Variants in ITGAD observed in about 807,000 individuals in gnomAD.
ITGAD encodes integrin subunit alpha D.
Under a neutral mutation model 139.0 loss-of-function variants are expected in ITGAD, and 105 were observed. The observed-to-expected ratio is 0.76, with a 90% CI of 0.65 to 0.89. ITGAD has a LOEUF of 0.89. ITGAD is among the 40% of genes least tolerant of loss of function. The pLI is 0.00. For synonymous variants in ITGAD, 569 were observed against 598.3 expected (o/e 0.95, Z 0.71); for missense variants, 1,384 against 1,487.3 (o/e 0.93, Z 1.14).
At chr16:31,408,519 A>G (rs374095958) in intron 10 of ITGAD, 21 bp downstream of exon 10, 246 of 1,607,388 alleles carry the variant, frequency 1.5e-4, no homozygotes, top group Non-Finnish European at 7.7e-6. Flanking sequence ...CCTGCCCTCA[A>G]TCCATAGCTC....
intron 16 of ITGAD, among the ~76,000 whole-genome samples, chr16:31,413,677 C>G (rs920326338): frequency 1.3e-5 from 2 of 152,244 alleles, no homozygotes; most frequent in Non-Finnish European, 2.9e-5. Flanking sequence ...CTCCAGTGCC[C>G]TCTCTGACTT....
In ITGAD at chr16:31,411,465, T is replaced by A. The variant is rs2081711468; in HGVS notation, c.1655T>A (p.Val552Asp). 6.2e-7 allele frequency: 1 copy of A among 1,614,104 alleles called. No individual in the cohort carries two copies. The highest frequency in any genetic ancestry group is 8.5e-7 in the Non-Finnish European group (1 of 1,179,994). Residue 552 changes from valine to aspartate, a missense_variant, in exon 14 of 30, where the codon GTC becomes GAC. Coordinates refer to ENST00000389202, the MANE Select transcript of ITGAD (RefSeq NM_005353.3). ...GGAGAGCAGGAGAACCGGGGTGCTGTCTACCTGTTTCACGGAGCCTCAGAA... is the reference window on the plus strand; with the variant it reads ...GGAGAGCAGGAGAACCGGGGTGCTGACTACCTGTTTCACGGAGCCTCAGAA... ...APGEQENRGA[V>D]YLFHGASESG...
chr16:31,401,076 T>C (rs2081392518), intron 5 of ITGAD, among the ~76,000 whole-genome samples: 1 of 151,962 alleles, frequency 6.6e-6, no homozygotes, highest in African/African-American at 2.4e-5. Flanking sequence ...CTGGGCAACA[T>C]GGCGAAACTC....
chr16:31,422,297 TG>T (rs2082023742), intron 23 of ITGAD, among the ~76,000 whole-genome samples: 1 of 152,174 alleles, frequency 6.6e-6, no homozygotes, highest in Non-Finnish European at 1.5e-5. Context: ...CAGGGAGTTA[TG>T]GCTTAACTTG....
intron 9 of ITGAD, 53 bp downstream of exon 9, chr16:31,407,969 C>T (rs1242945329): frequency 1.0e-5 from 15 of 1,504,398 alleles, no homozygotes; most frequent in Non-Finnish European, 1.3e-5. Flanking sequence ...ACCCAATTGT[C>T]CCGTGCAGGC....
At chr16:31,399,995 T>G (rs577602516) in intron 5 of ITGAD, among the ~76,000 whole-genome samples, 1 of 152,342 alleles carries the variant, frequency 6.6e-6, no homozygotes, top group Admixed American at 6.5e-5. Context: ...TTCAAAAGGA[T>G]AAGTCCAGGC....
At chr16:31,423,688 C>T in intron 26 of ITGAD, 40 bp downstream of exon 26, 4 of 1,582,436 alleles carry the variant, frequency 2.5e-6, no homozygotes, top group Non-Finnish European at 3.5e-6. Flanking sequence ...AGATCAGCCC[C>T]CACCGGGGAT....
At chr16:31,394,417 G>A (rs2081216890) in intron 2 of ITGAD, 76 bp downstream of exon 2, 1 of 1,111,558 alleles carries the variant, frequency 9.0e-7, no homozygotes, top group South Asian at 1.3e-5. Flanking sequence ...GGTTACCCCA[G>A]GGAGGTGTCC....
chr16:31,408,578 C>G, intron 10 of ITGAD, 80 bp downstream of exon 10: 1 of 1,292,536 alleles, frequency 7.7e-7, no homozygotes, highest in South Asian at 1.2e-5. Context: ...GGGAGCCAGA[C>G]ATAAACAAGA....
chr16:31,411,483 C>T lies in ITGAD; in HGVS notation c.1673C>T (p.Ala558Val), dbSNP rs565500189. ...NRGAVYLFHG[A>V]SESGISPSHS... is the part of the protein sequence containing the mutation. ...GGTGCTGTCTACCTGTTTCACGGAGCCTCAGAATCCGGCATCAGCCCCTCC... is the reference window on the plus strand; with the variant it reads ...GGTGCTGTCTACCTGTTTCACGGAGTCTCAGAATCCGGCATCAGCCCCTCC... The change falls in exon 14 of 30, where the codon GCC becomes GTC. Residue 558 changes from alanine to valine, a missense_variant. Physicochemically the swap from Ala to Val is moderately conservative, Grantham distance 64 (BLOSUM62 0). Transcript: ENST00000389202. 1.3e-3 allele frequency: 2,107 copies of T among 1,613,878 alleles called. 3 individuals are homozygous for T. Among genetic ancestry groups the T allele is most frequent in the Non-Finnish European group, 1.7e-3 (1,959 of 1,179,784 alleles).
intron 17 of ITGAD, 109 bp from the exon 18 acceptor site, chr16:31,414,751 C>T (rs976913472): frequency 1.5e-5 from 23 of 1,549,814 alleles, no homozygotes; most frequent in South Asian, 4.8e-5. Context: ...CCTGGCTCCA[C>T]GGCTTGGAGG....
At chr16:31,425,410 G>T (rs2142867206) in intron 29 of ITGAD, among the ~76,000 whole-genome samples, 1 of 152,266 alleles carries the variant, frequency 6.6e-6, no homozygotes, top group South Asian at 2.1e-4. Flanking sequence ...TTATATCACA[G>T]AGTGGCTGAA....
intron 23 of ITGAD, 36 bp downstream of exon 23, chr16:31,418,600 C>A (rs759981862): frequency 1.3e-6 from 2 of 1,495,412 alleles, no homozygotes; most frequent in South Asian, 2.3e-5. Flanking sequence ...GGACCTCTGG[C>A]CTTCCTCTAT....
In ITGAD at chr16:31,424,552, C is replaced by T. The variant is rs111249239; in HGVS notation, c.3347C>T (p.Ala1116Val). ...TCTGTGGGGGCTCTGCTACTGCTGG[C>T]GCTCATCACAGCCACACTGTACAAG... Reference protein sequence around the residue: ...GSSVGALLLLALITATLYKLG... With the variant: ...GSSVGALLLLVLITATLYKLG... Residue 1116 changes from alanine to valine, a missense_variant, in exon 29 of 30, where the codon GCG (alanine) becomes GTG (valine). By Grantham distance (64) the Ala-to-Val change is moderately conservative (BLOSUM62 0). Transcript: ENST00000389202. 66 of 1,611,608 alleles carry T rather than the reference C, an allele frequency of 4.1e-5. No homozygotes were observed. The African/African-American group carries it at 6.2e-4, about 15-fold the overall frequency.
Position 31,410,822 on chromosome 16 carries a change from A to T in ITGAD, c.1300A>T (p.Ile434Phe). The change falls in exon 12 of 30, where the codon ATC (isoleucine) becomes TTC (phenylalanine). Residue 434 changes from isoleucine to phenylalanine, a missense_variant. Coordinates refer to ENST00000389202, the MANE Select transcript of ITGAD (RefSeq NM_005353.3). ...CTACCAGCATACCGGGAAGGCTGTC[A>T]TCTTCACCCAGGTGTCCAGGCAATG... The part of the protein sequence containing the change: ...PRYQHTGKAV[I>F]FTQVSRQWRK... The T allele has an allele frequency of 4.3e-6, 7 of 1,613,738 alleles. No individual in the cohort carries two copies. The South Asian group carries it at 7.7e-5, about 18-fold the overall frequency.
chr16:31,403,431 A>T lies in ITGAD; in HGVS notation c.559-69A>T. 1 of 1,583,266 alleles carries T rather than the reference A, an allele frequency of 6.3e-7. No homozygotes were observed. Among genetic ancestry groups the T allele is most frequent in the African/African-American group, 1.4e-5 (1 of 74,026 alleles). ...CAGGAGTTTGAGAGACCCTGTCTCT[A>T]CAAAAAATTAAAATAAAAACAATAG... On this transcript the variant is annotated intron_variant, in intron 6 of 29. Transcript: ENST00000389202. This position sits in a 1 kb window ranked among gnomAD's most constrained non-coding sequence, Gnocchi z 4.4.
In ITGAD at chr16:31,413,110, G is replaced by T. The variant is rs2081777417; in HGVS notation, c.1860G>T (p.Val620=). The change falls in exon 16 of 30, where the codon GTG becomes GTT. Residue 620 remains valine, a synonymous_variant. Coordinates refer to ENST00000389202, the MANE Select transcript of ITGAD (RefSeq NM_005353.3). Reference sequence around the variant, plus strand: ...TCAGGAGTCTGCCGGTGCTGAAAGTGGGGGTGGCCATGAGATTCAGCCCTG... The same window carrying T: ...TCAGGAGTCTGCCGGTGCTGAAAGTTGGGGTGGCCATGAGATTCAGCCCTG... ...LLLRSLPVLK[V]GVAMRFSPVE... 2 of 1,614,018 alleles carry T rather than the reference G, an allele frequency of 1.2e-6. No homozygotes were observed. Among genetic ancestry groups the T allele is most frequent in the Admixed American group, 3.3e-5 (2 of 59,994 alleles).
chr16:31,408,251 C>G (rs193077842), intron 9 of ITGAD, among the ~76,000 whole-genome samples, 174 bp from the exon 10 acceptor site: 55 of 152,274 alleles, frequency 3.6e-4, no homozygotes, highest in African/African-American at 1.2e-3. Context: ...GGATTACAGG[C>G]GTGAGCCACT....
At chr16:31,423,029 A>T in intron 23 of ITGAD, 85 bp from the exon 24 acceptor site, 1 of 1,043,024 alleles carries the variant, frequency 9.6e-7, no homozygotes, top group Non-Finnish European at 1.5e-6. Flanking sequence ...ACATCTGCCC[A>T]GCCCAACAGA....
Sources: gnomAD v4.1 joint callset for allele counts (sites outside exome capture counted in the v4.1 genomes callset) on GRCh38, gnomAD v4.1.1 for gene constraint, Gnocchi (gnomAD v3.1) non-coding constraint, MANE v1.5 for transcripts, NCBI Gene and HGNC (gene_info 2026-07-23, HGNC 2026-07-21) for gene names.